Variants in DAP3 observed in about 807,000 individuals in gnomAD.
DAP3 encodes the protein small ribosomal subunit protein mS29.
DAP3 carries 28 observed loss-of-function variants against 51.9 expected under a neutral mutation model. The ratio of observed to expected loss-of-function variants is 0.54; its 90% CI spans 0.40 to 0.74. DAP3 has a LOEUF of 0.74. DAP3 is among the 30% of genes least tolerant of loss of function. The pLI is 0.00. For synonymous variants in DAP3, 170 were observed against 170.3 expected, an observed-to-expected ratio of 1.00 and a Z score of 0.01; for missense variants, 458 against 483.5, an observed-to-expected ratio of 0.95 and a Z score of 0.49.
At chr1:155,737,091 G>C in intron 12 of DAP3, 28 bp downstream of exon 12, 1 of 1,518,306 alleles carries the variant, frequency 6.6e-7, no homozygotes, top group Non-Finnish European at 9.1e-7. Context: ...TTCCTATCAG[G>C]GCTTTGTGAT....
At chr1:155,688,311 A>C (rs752717805), upstream of DAP3, 3 of 1,562,868 alleles carry the variant, frequency 1.9e-6, no homozygotes, top group Non-Finnish European at 2.6e-6. Flanking sequence ...CGCAAAGCGA[A>C]CCCAAAATGG....
chr1:155,720,929 C>T (rs1657921892), intron 3 of DAP3, among the ~76,000 whole-genome samples: 6 of 151,038 alleles, frequency 4.0e-5, no homozygotes, highest in Admixed American at 3.3e-4. Flanking sequence ...CCCAGATGCT[C>T]GGGAGGCTGA....
chr1:155,730,927 A>T (rs1659169385), intron 9 of DAP3, among the ~76,000 whole-genome samples: 1 of 152,096 alleles, frequency 6.6e-6, no homozygotes, highest in South Asian at 2.1e-4. Flanking sequence ...GGCTTATCCT[A>T]GAGGGAGTAC....
chr1:155,699,037 A>G (rs1654862100), intron 1 of DAP3, among the ~76,000 whole-genome samples: 2 of 152,086 alleles, frequency 1.3e-5, no homozygotes, highest in Non-Finnish European at 2.9e-5. Context: ...GCGACAAAGG[A>G]ATGAGAAGAG....
At chr1:155,735,905 A>T (rs1438014787) in intron 11 of DAP3, among the ~76,000 whole-genome samples, 1 of 138,822 alleles carries the variant, frequency 7.2e-6, no homozygotes, top group Non-Finnish European at 1.5e-5. Context: ...GCAGTGGCTT[A>T]ATCTCGGCTC....
At chr1:155,710,005 A>G in intron 2 of DAP3, 181 bp downstream of exon 2, 1 of 495,628 alleles carries the variant, frequency 2.0e-6, no homozygotes, top group Non-Finnish European at 3.6e-6. Flanking sequence ...ATATTTTTCC[A>G]GAAAACATAA....
In DAP3 at chr1:155,689,106, G is replaced by C. The variant is rs1653261897; in HGVS notation, c.-76G>C. On this transcript the variant is annotated 5_prime_UTR_variant, in exon 1 of 13. Transcript: ENST00000368336. ...ACCCTTTTTTGCAGTCTCAGGACGG[G>C]CGCTTTGGAGCCGGCCCCAGGCAGC... 1.6e-6 allele frequency: 2 copies of C among 1,246,568 alleles called. No individual in the cohort carries two copies. The highest frequency in any genetic ancestry group is 1.1e-6 in the Non-Finnish European group (1 of 889,330). 77.2% of individuals were successfully genotyped at this position (1,246,568 alleles called of 1,614,324 possible).
intron 2 of DAP3, among the ~76,000 whole-genome samples, chr1:155,711,102 ACATAAAATAACC>A (rs1396959663): frequency 6.6e-6 from 1 of 152,036 alleles, no homozygotes; most frequent in African/African-American, 2.4e-5. Context: ...ATATATTAAT[ACATAAAATAACC>A]CATTATTATA....
At chr1:155,693,237 A>G (rs1014806713) in intron 1 of DAP3, among the ~76,000 whole-genome samples, 1 of 141,882 alleles carries the variant, frequency 7.0e-6, no homozygotes, top group Non-Finnish European at 1.5e-5. Flanking sequence ...AATTAGGTCG[A>G]ATATCAATAT....
chr1:155,722,044 T>C (rs1168718474), intron 4 of DAP3: 1 of 201,176 alleles, frequency 5.0e-6, no homozygotes, highest in African/African-American at 2.3e-5. Context: ...AGGTGAGTTT[T>C]AGCATGCGAG....
chr1:155,703,668 T>G (rs974479721), intron 1 of DAP3, among the ~76,000 whole-genome samples: 5 of 152,036 alleles, frequency 3.3e-5, no homozygotes, highest in Admixed American at 1.3e-4. Context: ...CTCCTGAGTA[T>G]CTGGGACTAC....
At chr1:155,697,915 C>G (rs1307167344) in intron 1 of DAP3, among the ~76,000 whole-genome samples, 1 of 152,124 alleles carries the variant, frequency 6.6e-6, no homozygotes, top group Non-Finnish European at 1.5e-5. Flanking sequence ...ACAGATGTCT[C>G]CCTGGGAATG....
intron 1 of DAP3, among the ~76,000 whole-genome samples, chr1:155,707,887 A>T (rs1013784653): frequency 6.6e-6 from 1 of 152,132 alleles, no homozygotes; most frequent in African/African-American, 2.4e-5. Context: ...ATGCAATGGT[A>T]ATTTTTTCAT....
intron 3 of DAP3, among the ~76,000 whole-genome samples, chr1:155,721,180 A>T (rs888375520): frequency 3.3e-5 from 5 of 151,870 alleles, no homozygotes; most frequent in African/African-American, 1.2e-4. Context: ...TACTAGAAAT[A>T]CAAAAATTAG....
intron 2 of DAP3, 55 bp from the exon 3 acceptor site, chr1:155,716,948 CAAA>C (rs377724521): frequency 1.0e-3 from 1,390 of 1,385,062 alleles, no homozygotes; most frequent in South Asian, 3.2e-3. Flanking sequence ...AACTCCATCT[CAAA>C]AAAAAAAAAA....
chr1:155,706,845 C>T (rs893266667), intron 1 of DAP3, among the ~76,000 whole-genome samples: 4 of 151,872 alleles, frequency 2.6e-5, no homozygotes, highest in Non-Finnish European at 5.9e-5. Flanking sequence ...GTAATCCCAG[C>T]GCTTTGAGAG....
At chr1:155,710,016 G>A in intron 2 of DAP3, 192 bp downstream of exon 2, 1 of 477,756 alleles carries the variant, frequency 2.1e-6, no homozygotes, top group Admixed American at 3.6e-5. Flanking sequence ...GAAAACATAA[G>A]TAAGTTTGAC....
chr1:155,713,664 T>C (rs938893524), intron 2 of DAP3, among the ~76,000 whole-genome samples: 4 of 152,190 alleles, frequency 2.6e-5, no homozygotes, highest in African/African-American at 9.7e-5. Flanking sequence ...GATAACATGA[T>C]ACAGTTTTTT....
intron 1 of DAP3, among the ~76,000 whole-genome samples, chr1:155,700,712 A>G (rs1437629897): frequency 1.1e-5 from 1 of 92,018 alleles, no homozygotes; most frequent in African/African-American, 4.3e-5. Flanking sequence ...CAGCCCCCCA[A>G]CCCGGCCAGC....
Sources: allele counts gnomAD v4.1 joint callset (sites outside exome capture counted in the v4.1 genomes callset), GRCh38; gene constraint gnomAD v4.1.1; transcripts MANE v1.5; gene names NCBI Gene and HGNC (gene_info 2026-07-23, HGNC 2026-07-21).